Variants in SP1 observed in about 807,000 individuals in gnomAD.
The protein encoded by SP1 is Sp1 transcription factor, also known as transcription factor Sp1.
Under a neutral mutation model 66.3 loss-of-function variants are expected in SP1, and 6 were observed. The observed-to-expected ratio is 0.09, with a 90% confidence interval of 0.05 to 0.18. The LOEUF is 0.18. Among genes scored for constraint, SP1 ranks in the 10% least tolerant of loss-of-function variants. SP1 has a pLI of 1.00. For missense variants in SP1, 848 were observed against 964.5 expected (o/e 0.88, Z 1.60); for synonymous variants, 417 against 360.8 (o/e 1.16, Z -1.77).
In SP1 at chr12:53,412,344, CGTA is replaced by C. The variant is rs1234366712; in HGVS notation, c.*1107_*1109del. 3 of 152,574 alleles carry C rather than the reference CGTA, an allele frequency of 2.0e-5. No individual in the cohort carries two copies. The highest frequency in any genetic ancestry group is 6.5e-5 in the Admixed American group (1 of 15,272). 9.5% of individuals were successfully genotyped at this position (152,574 alleles called of 1,614,324 possible). On this transcript the variant is annotated 3_prime_UTR_variant, in exon 6 of 6. Coordinates refer to ENST00000327443, the MANE Select transcript of SP1 (RefSeq NM_138473.3). ...CATGTGCTCAGAAGAGGAAATGACTCGTAGTCAGGTTCAGGAGTTAGTGGAGTA... is the reference window on the plus strand; with the variant it reads ...CATGTGCTCAGAAGAGGAAATGACTCGTCAGGTTCAGGAGTTAGTGGAGTA...
intron 3 of SP1, among the ~76,000 whole-genome samples, chr12:53,404,757 A>G (rs1938693506): frequency 6.6e-6 from 1 of 151,230 alleles, no homozygotes; most frequent in African/African-American, 2.4e-5. Flanking sequence ...AGCCTTAAAC[A>G]CCTTGGCTCA....
At chr12:53,409,582 G>C (rs1246044070) in intron 5 of SP1, 21 bp downstream of exon 5, 1 of 1,583,242 alleles carries the variant, frequency 6.3e-7, no homozygotes, top group Non-Finnish European at 8.7e-7. Flanking sequence ...GCCTATGGGA[G>C]AGAAAAATAG....
intron 3 of SP1, among the ~76,000 whole-genome samples, chr12:53,400,750 G>C (rs1425076345): frequency 7.4e-6 from 1 of 135,806 alleles, no homozygotes; most frequent in African/African-American, 2.8e-5. Context: ...CACCACACTG[G>C]GCTAATTTTT....
At position 53,411,267 on chromosome 12, in the gene SP1, AT is replaced by A; in HGVS notation, c.*28del. The A allele has an allele frequency of 6.3e-7, 1 of 1,582,574 alleles. No homozygotes were observed. The highest frequency in any genetic ancestry group is 2.2e-5 in the East Asian group (1 of 44,640). On this transcript the variant is annotated 3_prime_UTR_variant, in exon 6 of 6. Transcript: ENST00000327443. ...ATCAGGCACCCGGGGCCAGAGACAT[AT>A]GGGCCATACCCCTTAACCCCGGGAT...
chr12:53,382,060 C>G (rs1369677361), intron 2 of SP1, 50 bp from the exon 3 acceptor site: 2 of 1,558,912 alleles, frequency 1.3e-6, no homozygotes, highest in African/African-American at 2.7e-5. Flanking sequence ...GCCCCCTAGG[C>G]TGGCAGCTGG....
At position 53,408,341 on chromosome 12, in the gene SP1, A is replaced by G. The variant is rs564988790; in HGVS notation, c.1845-1021A>G. On this transcript the variant is annotated intron_variant, in intron 4 of 5. Transcript: ENST00000327443. ...AACCTCCACCTCCCAGGTTCAAGCA[A>G]TTCCTCTGCTTCAGCCTCCCAAGTA... 5.3e-5 allele frequency among the ~76,000 whole-genome samples: 8 copies of G among 150,658 alleles called. No homozygotes were observed. In the East Asian group the frequency reaches 6.3e-4, roughly 12 times the overall value.
At position 53,411,790 on chromosome 12, in the gene SP1, T is replaced by G. The variant is rs1938895104; in HGVS notation, c.*550T>G. The G allele has an allele frequency of 6.6e-6, 1 of 152,340 alleles. No individual in the cohort carries two copies. Among genetic ancestry groups the G allele is most frequent in the East Asian group, 1.9e-4 (1 of 5,192 alleles). The allele number at this position is 152,340 out of a possible 1,614,324, so 9.4% of individuals were successfully genotyped here. On this transcript the variant is annotated 3_prime_UTR_variant, in exon 6 of 6. Transcript: ENST00000327443. ...GCCTTATTTCCCTATGGCTGAGCCT[T>G]GTTGTGACACATCAAGCTTTTCTGT...
rs992227458 is a variant in SP1 at position 53,413,527 on chromosome 12, T to C, written c.*2287T>C. 3 of 152,662 alleles carry C rather than the reference T, an allele frequency of 2.0e-5. No homozygotes were observed. The highest frequency in any genetic ancestry group is 7.2e-5 in the African/African-American group (3 of 41,464). 9.5% of individuals were successfully genotyped at this position (152,662 alleles called of 1,614,324 possible). A position where few individuals can be genotyped will look rare whatever the true frequency, so the allele number is the denominator to read the frequency against. The stretch of plus-strand genomic sequence containing the variant: ...GGTCCTTTCTCCACAGATGTAATTA[T>C]GTTTTCAACTCAGGAACTATGGCAA... On this transcript the variant is annotated 3_prime_UTR_variant, in exon 6 of 6. Coordinates refer to ENST00000327443, the MANE Select transcript of SP1 (RefSeq NM_138473.3).
At chr12:53,383,762 T>C (rs2136889517) in intron 3 of SP1, 140 bp downstream of exon 3, 3 of 715,704 alleles carry the variant, frequency 4.2e-6, no homozygotes, top group Admixed American at 2.9e-5. Flanking sequence ...ATTTGAGAAA[T>C]AGAGATTCTG....
chr12:53,382,545 G>T lies in SP1; in HGVS notation c.598G>T (p.Gly200Cys). 6.2e-7 allele frequency: 1 copy of T among 1,614,170 alleles called. No individual in the cohort carries two copies. The highest frequency in any genetic ancestry group is 1.7e-5 in the Admixed American group (1 of 60,016). ...CACTGGGGCCCAAGTGCAGCAGGATGGTTCTGGTCAAATACAGATCATACC... is the reference window on the plus strand; with the variant it reads ...CACTGGGGCCCAAGTGCAGCAGGATTGTTCTGGTCAAATACAGATCATACC... ...AATGAQVQQD[G>C]SGQIQIIPGA... The change falls in exon 3 of 6, where the codon GGT becomes TGT. Residue 200 changes from glycine (G) to cysteine (C), a missense_variant. This residue lies in a region of SP1 where 606 missense variants were observed against 589.9 expected (regional missense o/e 1.03). Transcript: ENST00000327443.
intron 3 of SP1, among the ~76,000 whole-genome samples, chr12:53,391,346 C>CTTATTTTTTTTT (rs1938346219): frequency 1.0e-5 from 1 of 97,460 alleles, no homozygotes; most frequent in Non-Finnish European, 2.0e-5. Flanking sequence ...TAAGTAATGT[C>CTTATTTTTTTTT]TTTTTTTTTT....
At chr12:53,388,626 A>G (rs1451925582) in intron 3 of SP1, among the ~76,000 whole-genome samples, 2 of 152,150 alleles carry the variant, frequency 1.3e-5, no homozygotes, top group Non-Finnish European at 2.9e-5. Context: ...AAAGAAAGAT[A>G]ATAAAATCAC....
intron 3 of SP1, among the ~76,000 whole-genome samples, chr12:53,401,135 G>A (rs1938600129): frequency 6.6e-6 from 1 of 151,920 alleles, no homozygotes; most frequent in East Asian, 1.9e-4. Context: ...CAGTCTTACT[G>A]TTTTACTTAA....
intron 3 of SP1, 60 bp from the exon 4 acceptor site, chr12:53,406,525 T>C (rs1938742298): frequency 7.1e-7 from 1 of 1,417,042 alleles, no homozygotes; most frequent in Non-Finnish European, 9.9e-7. Flanking sequence ...AGGGTATCAC[T>C]GAGATGCCAG....
At chr12:53,400,755 ATTTTTTTTT>A (rs10547195) in intron 3 of SP1, among the ~76,000 whole-genome samples, 2 of 70,064 alleles carry the variant, frequency 2.9e-5, no homozygotes, top group African/African-American at 1.1e-4. Flanking sequence ...CACTGGGCTA[ATTTTTTTTT>A]TTTTTTTTTT....
In SP1 at chr12:53,382,627, C is replaced by G. The variant is rs1469538898; in HGVS notation, c.680C>G (p.Ala227Gly). 1 of 1,614,164 alleles carries G rather than the reference C, an allele frequency of 6.2e-7. No homozygotes were observed. The highest frequency in any genetic ancestry group is 1.1e-5 in the South Asian group (1 of 91,086). Residue 227 changes from alanine to glycine, a missense_variant, in exon 3 of 6, where the codon GCT becomes GGT. Transcript: ENST00000327443. ...NRGSGGNIIA[A>G]MPNLLQQAVP... ...GGAAGTGGAGGCAACATCATTGCTG[C>G]TATGCCAAACCTACTCCAGCAGGCT...
chr12:53,405,678 GAAAA>G (rs891582610), intron 3 of SP1, among the ~76,000 whole-genome samples: 1 of 145,420 alleles, frequency 6.9e-6, no homozygotes. Flanking sequence ...AGAAAGGAAA[GAAAA>G]GAGAGAGAGA....
chr12:53,392,592 C>T (rs1938379080), intron 3 of SP1, among the ~76,000 whole-genome samples: 1 of 151,182 alleles, frequency 6.6e-6, no homozygotes, highest in Non-Finnish European at 1.5e-5. Flanking sequence ...CTCCTGACCT[C>T]GTGATCCGCC....
Position 53,406,572 on chromosome 12 carries a change from C to T in SP1, c.1676-13C>T, listed in dbSNP as rs755161629. ...CCATGTCACATGTTGACCCTTTTCTCTCTTAATTTCAGGTGATCATGGAGC... is the reference window on the plus strand; with the variant it reads ...CCATGTCACATGTTGACCCTTTTCTTTCTTAATTTCAGGTGATCATGGAGC... On this transcript the variant is annotated splice_polypyrimidine_tract_variant and intron_variant, in intron 3 of 5. Transcript: ENST00000327443. 1.9e-6 allele frequency: 3 copies of T among 1,612,548 alleles called. No homozygotes were observed. The highest frequency in any genetic ancestry group is 2.5e-6 in the Non-Finnish European group (3 of 1,178,830).
Sources: allele counts gnomAD v4.1 joint callset (sites outside exome capture counted in the v4.1 genomes callset), GRCh38; gene constraint gnomAD v4.1.1; regional missense constraint gnomAD v4.1.1; transcripts MANE v1.5; gene names NCBI Gene and HGNC (gene_info 2026-07-23, HGNC 2026-07-21).